Variants in TECTA observed in about 807,000 individuals in gnomAD.
TECTA encodes the protein tectorin alpha.
TECTA carries 128 observed loss-of-function variants against 216.8 expected under a neutral mutation model. That is an observed-to-expected ratio of 0.59 (90% CI 0.51 to 0.68). TECTA has a LOEUF of 0.68. Ranked by LOEUF, TECTA falls within the 30% of genes least tolerant of loss-of-function variation. The pLI is 0.00. For synonymous variants in TECTA, 1,089 were observed against 1,117.1 expected, an observed-to-expected ratio of 0.97 and a Z score of 0.50; for missense variants, 2,551 against 2,786.2, an observed-to-expected ratio of 0.92 and a Z score of 1.90.
chr11:121,118,259 A>T, intron 6 of TECTA, 47 bp from the exon 7 acceptor site: 1 of 1,609,998 alleles, frequency 6.2e-7, no homozygotes, highest in Non-Finnish European at 8.5e-7. Flanking sequence ...CCTGGCACAG[A>T]GGGGAAATGC....
At chr11:121,187,588 T>C (rs558013435) in intron 20 of TECTA, among the ~76,000 whole-genome samples, 5 of 152,214 alleles carry the variant, frequency 3.3e-5, no homozygotes, top group Non-Finnish European at 5.9e-5. Context: ...AGTCGTTTTG[T>C]TTTTAGTTGC....
At chr11:121,162,454 A>G (rs1947011015) in intron 16 of TECTA, 84 bp downstream of exon 16, 1 of 1,472,850 alleles carries the variant, frequency 6.8e-7, no homozygotes, top group African/African-American at 1.4e-5. Flanking sequence ...TCTAGGGATG[A>G]CTGGTCCTCT....
intron 7 of TECTA, among the ~76,000 whole-genome samples, chr11:121,124,368 C>A (rs1316350385): frequency 6.6e-6 from 1 of 152,182 alleles, no homozygotes; most frequent in African/African-American, 2.4e-5. Context: ...AGTGTCTGCC[C>A]CCCAACCCCA....
intron 20 of TECTA, among the ~76,000 whole-genome samples, chr11:121,183,875 C>T (rs528624516): frequency 2.0e-5 from 3 of 152,142 alleles, no homozygotes; most frequent in Non-Finnish European, 4.4e-5. Flanking sequence ...GCAGTCTCAA[C>T]GTCCTGGGCT....
chr11:121,125,100 C>T (rs929236415), intron 7 of TECTA, among the ~76,000 whole-genome samples: 2 of 152,256 alleles, frequency 1.3e-5, no homozygotes, highest in Non-Finnish European at 2.9e-5. Flanking sequence ...ATACACAGTG[C>T]GTGGGCTGGC....
chr11:121,168,636 C>G, intron 19 of TECTA, 41 bp from the exon 20 acceptor site: 1 of 1,613,994 alleles, frequency 6.2e-7, no homozygotes, highest in Non-Finnish European at 8.5e-7. Context: ...GAATAGGTAA[C>G]ATTGTTTTGG....
intron 15 of TECTA, among the ~76,000 whole-genome samples, chr11:121,161,699 A>G (rs1252688194): frequency 6.6e-6 from 1 of 151,062 alleles, no homozygotes; most frequent in South Asian, 2.1e-4. Context: ...TCCACGAGGT[A>G]TCATTACTAT....
At chr11:121,173,706 G>T (rs1462786943) in intron 20 of TECTA, among the ~76,000 whole-genome samples, 1 of 149,400 alleles carries the variant, frequency 6.7e-6, no homozygotes, top group South Asian at 2.2e-4. Context: ...CTTTAAAGTA[G>T]TTTTTTCCAA....
chr11:121,102,340 C>T (rs761623385), intron 1 of TECTA, among the ~76,000 whole-genome samples: 1 of 152,274 alleles, frequency 6.6e-6, no homozygotes, highest in African/African-American at 2.4e-5. Context: ...TAGTTTTCAG[C>T]GCTTTATTTG....
chr11:121,146,366 C>A, intron 12 of TECTA: 1 of 556,654 alleles, frequency 1.8e-6, no homozygotes. Context: ...TAAGATCATG[C>A]ATATAAATCA....
intron 19 of TECTA, 76 bp from the exon 20 acceptor site, chr11:121,168,601 T>G (rs970543479): frequency 1.3e-5 from 21 of 1,612,150 alleles, no homozygotes; most frequent in Non-Finnish European, 1.7e-5. Flanking sequence ...CTCTGCATTC[T>G]CAGCCTGAAA....
rs763059186 is a variant in TECTA, at chr11:121,125,836, A to G, written c.1738A>G (p.Ile580Val). 56 of 1,612,800 alleles carry G rather than the reference A, an allele frequency of 3.5e-5. No individual in the cohort carries two copies. Among genetic ancestry groups the G allele is most frequent in the Middle Eastern group, 1.6e-4 (1 of 6,062 alleles). The change falls in exon 8 of 24, where the codon ATT (isoleucine) becomes GTT (valine). Residue 580 changes from isoleucine (I) to valine (V), a missense_variant. Ile to Val is a conservative substitution (Grantham distance 29, BLOSUM62 3). Around this residue, in one of 3 missense-constraint regions of TECTA, gnomAD observed 2,375 missense variants for 2,563.9 expected, o/e 0.93. Coordinates refer to ENST00000392793, the MANE Select transcript of TECTA (RefSeq NM_005422.4). ...TGCTCTTGTGTGCCAAGCCCTTGGC[A>G]TTCCAATTGGAGACTGGCGAACCCA... ...AYALVCQALG[I>V]PIGDWRTQTG...
Position 121,145,633 on chromosome 11 carries a change from G to A in TECTA, c.3622G>A (p.Val1208Met). ...TATCTTTTCCTTTGGCTTCCACGTGGTGGTGGAAACTGATTTTGGCCTGAA... is the reference window on the plus strand; with the variant it reads ...TATCTTTTCCTTTGGCTTCCACGTGATGGTGGAAACTGATTTTGGCCTGAA... The part of the protein sequence containing the change: ...INIFSFGFHV[V>M]VETDFGLKVV... The change falls in exon 12 of 24, where the codon GTG becomes ATG. Residue 1208 changes from valine to methionine, a missense_variant. By Grantham distance (21) the Val-to-Met change is conservative. Transcript: ENST00000392793. 1.2e-6 allele frequency: 2 copies of A among 1,614,252 alleles called. No homozygotes were observed. Among genetic ancestry groups the A allele is most frequent in the Non-Finnish European group, 1.7e-6 (2 of 1,180,046 alleles).
chr11:121,108,343 C>T, intron 3 of TECTA, among the ~76,000 whole-genome samples: 1 of 150,746 alleles, frequency 6.6e-6, no homozygotes, highest in African/African-American at 2.4e-5. Context: ...TACATACACA[C>T]ACACCACCCT....
intron 10 of TECTA, among the ~76,000 whole-genome samples, chr11:121,133,505 A>G (rs1946695490): frequency 6.6e-6 from 1 of 152,206 alleles, no homozygotes; most frequent in African/African-American, 2.4e-5. Flanking sequence ...CACACGTTGC[A>G]TTTCATTGTC....
In TECTA at chr11:121,168,742, A is replaced by C; in HGVS notation, c.5816A>C (p.Asn1939Thr). The change falls in exon 20 of 24, where the codon AAC (asparagine) becomes ACC (threonine). Residue 1939 changes from asparagine to threonine, a missense_variant. Around this residue, in one of 3 missense-constraint regions of TECTA, gnomAD observed 2,375 missense variants for 2,563.9 expected, o/e 0.93. Coordinates refer to ENST00000392793, the MANE Select transcript of TECTA (RefSeq NM_005422.4). The part of the protein sequence containing the change: ...SFITKMALYK[N>T]ASYKHPYRQG... ...ATCACCAAGATGGCTCTCTACAAAAACGCCTCCTACAAACATCCTTACCGC... is the reference window on the plus strand; with the variant it reads ...ATCACCAAGATGGCTCTCTACAAAACCGCCTCCTACAAACATCCTTACCGC... The C allele has an allele frequency of 1.2e-6, 2 of 1,614,096 alleles. No homozygotes were observed. Among genetic ancestry groups the C allele is most frequent in the Non-Finnish European group, 1.7e-6 (2 of 1,180,004 alleles).
intron 20 of TECTA, 139 bp from the exon 21 acceptor site, chr11:121,187,693 G>T: frequency 2.3e-6 from 2 of 871,488 alleles, no homozygotes; most frequent in East Asian, 2.6e-5. Flanking sequence ...ATGCAGTCCA[G>T]GGGTCACTTT....
chr11:121,184,654 C>T (rs1352437148), intron 20 of TECTA, among the ~76,000 whole-genome samples: 6 of 152,174 alleles, frequency 3.9e-5, no homozygotes, highest in African/African-American at 7.2e-5. Context: ...CTAGGCACAG[C>T]GCTCACTCAA....
intron 20 of TECTA, among the ~76,000 whole-genome samples, chr11:121,170,025 C>A (rs1024925569): frequency 6.6e-6 from 1 of 152,178 alleles, no homozygotes; most frequent in Non-Finnish European, 1.5e-5. Flanking sequence ...CTTTCCCAGC[C>A]TCTGGTAACT....
Sources: gnomAD v4.1 joint callset for allele counts (sites outside exome capture counted in the v4.1 genomes callset) on GRCh38, gnomAD v4.1.1 for gene constraint, gnomAD v4.1.1 regional missense constraint, MANE v1.5 for transcripts, NCBI Gene and HGNC (gene_info 2026-07-23, HGNC 2026-07-21) for gene names.